DCDC2C: variants seen among roughly 807,000 people sequenced by gnomAD.
DCDC2C encodes doublecortin domain-containing protein 2C.
DCDC2C carries 44 observed loss-of-function variants against 45.0 expected under a neutral mutation model. That is an observed-to-expected ratio of 0.98 (90% CI 0.77 to 1.26). DCDC2C has a LOEUF of 1.26. Ranked by LOEUF, DCDC2C falls within the 50% of genes most tolerant of loss-of-function variation. The probability of loss-of-function intolerance (pLI) is 0.00; values close to 1 mark genes in which losing one functional copy is unlikely to be tolerated. For missense variants in DCDC2C, 447 were observed against 468.9 expected, an observed-to-expected ratio of 0.95 and a Z score of 0.43; for synonymous variants, 187 against 178.8, an observed-to-expected ratio of 1.05 and a Z score of -0.37.
At chr2:3,741,700 C>A (rs545733179) in intron 3 of DCDC2C, among the ~76,000 whole-genome samples, 1 of 149,006 alleles carries the variant, frequency 6.7e-6, no homozygotes, top group East Asian at 1.9e-4. Flanking sequence ...CACATACACA[C>A]ACACACATAG....
intron 4 of DCDC2C, among the ~76,000 whole-genome samples, chr2:3,749,158 C>A (rs1203510732): frequency 6.6e-6 from 1 of 152,202 alleles, no homozygotes; most frequent in Non-Finnish European, 1.5e-5. Flanking sequence ...TATCCCCAAT[C>A]TTTAAGGTTC....
At position 3,827,169 on chromosome 2, in the gene DCDC2C, T is replaced by C. The variant is rs542584109; in HGVS notation, c.1066-19985T>C. ...TCTTAGAATTCAGACTTGATTAAAA[T>C]CAGATTAAATTAACCCTGAGGGGAG... On this transcript the variant is annotated intron_variant, in intron 10 of 10. Transcript: ENST00000399143. 9.9e-5 allele frequency among the ~76,000 whole-genome samples: 15 copies of C among 152,244 alleles called. No homozygotes were observed. In the South Asian group the frequency reaches 3.1e-3, roughly 32 times the overall value.
chr2:3,794,604 G>C (rs1408845765), intron 10 of DCDC2C, among the ~76,000 whole-genome samples: 1 of 152,068 alleles, frequency 6.6e-6, no homozygotes, highest in Non-Finnish European at 1.5e-5. Context: ...CTATGAGTGA[G>C]AATATGTGGT....
At chr2:3,729,568 G>T (rs1301217690) in intron 3 of DCDC2C, among the ~76,000 whole-genome samples, 3 of 152,210 alleles carry the variant, frequency 2.0e-5, no homozygotes, top group Non-Finnish European at 4.4e-5. Flanking sequence ...AGTGAAGGTG[G>T]CCAGGCAGCT....
chr2:3,763,966 A>G (rs1327408250), intron 6 of DCDC2C, among the ~76,000 whole-genome samples: 1 of 152,250 alleles, frequency 6.6e-6, no homozygotes. Flanking sequence ...GCTCAGATAT[A>G]GAAAACTGGA....
At chr2:3,710,341 G>A (rs769157825) in intron 2 of DCDC2C, among the ~76,000 whole-genome samples, 1 of 152,072 alleles carries the variant, frequency 6.6e-6, no homozygotes, top group African/African-American at 2.4e-5. Context: ...TACTCTTCCT[G>A]ATACTCTCCC....
At chr2:3,834,388 A>G (rs936330369) in intron 10 of DCDC2C, among the ~76,000 whole-genome samples, 1 of 152,184 alleles carries the variant, frequency 6.6e-6, no homozygotes, top group Non-Finnish European at 1.5e-5. Context: ...TCACTGTACA[A>G]TGGGTCTCTT....
intron 10 of DCDC2C, among the ~76,000 whole-genome samples, chr2:3,830,310 T>G (rs1307443301): frequency 3.3e-5 from 5 of 152,150 alleles, no homozygotes. Context: ...AGGTTTTTTT[T>G]TTTGTTCATC....
At chr2:3,800,258 G>A (rs919806797) in intron 10 of DCDC2C, among the ~76,000 whole-genome samples, 21 of 152,052 alleles carry the variant, frequency 1.4e-4, no homozygotes, top group Non-Finnish European at 2.1e-4. Flanking sequence ...ACTGACCTGC[G>A]CCCACTGTCT....
intron 10 of DCDC2C, among the ~76,000 whole-genome samples, chr2:3,797,324 C>G (rs1345123510): frequency 1.4e-5 from 2 of 143,016 alleles, no homozygotes; most frequent in Non-Finnish European, 3.0e-5. Flanking sequence ...AAACCAGCCC[C>G]TGGATTCGTT....
chr2:3,846,767 A>G (rs1672343110), intron 10 of DCDC2C, among the ~76,000 whole-genome samples: 1 of 152,156 alleles, frequency 6.6e-6, no homozygotes, highest in Admixed American at 6.5e-5. Context: ...AAACATTGCT[A>G]TAGACTCAGC....
At chr2:3,723,035 G>C (rs1238555790) in intron 2 of DCDC2C, among the ~76,000 whole-genome samples, 9 of 152,166 alleles carry the variant, frequency 5.9e-5, no homozygotes, top group African/African-American at 9.7e-5. Context: ...AATGGATGCA[G>C]GTGTGCATTT....
intron 10 of DCDC2C, among the ~76,000 whole-genome samples, chr2:3,845,469 A>G (rs988549000): frequency 6.6e-6 from 1 of 152,208 alleles, no homozygotes; most frequent in African/African-American, 2.4e-5. Flanking sequence ...CCATCTGCCA[A>G]TTAGTGGTAT....
chr2:3,777,045 T>A (rs1670362097), intron 8 of DCDC2C, among the ~76,000 whole-genome samples: 4 of 152,190 alleles, frequency 2.6e-5, no homozygotes, highest in Admixed American at 2.6e-4. Context: ...CTTAGCATCC[T>A]CTTTTGGTTA....
chr2:3,728,182 G>A (rs1033941274), intron 3 of DCDC2C, among the ~76,000 whole-genome samples: 2 of 152,124 alleles, frequency 1.3e-5, no homozygotes, highest in East Asian at 3.9e-4. Context: ...TGATTCACCC[G>A]ACAGATCCTC....
At chr2:3,754,699 A>G in intron 6 of DCDC2C, 65 bp downstream of exon 6, 3 of 1,433,880 alleles carry the variant, frequency 2.1e-6, no homozygotes, top group Non-Finnish European at 2.9e-6. Context: ...GGCATTAACA[A>G]GGGCACAGCG....
At chr2:3,764,205 TTAAAC>T (rs1669958544) in intron 6 of DCDC2C, among the ~76,000 whole-genome samples, 1 of 152,350 alleles carries the variant, frequency 6.6e-6, no homozygotes, top group Middle Eastern at 3.4e-3. Context: ...AAAAGACAGT[TTAAAC>T]TGAGCAAAAT....
intron 2 of DCDC2C, among the ~76,000 whole-genome samples, chr2:3,716,122 T>C (rs1668344860): frequency 6.6e-6 from 1 of 152,210 alleles, no homozygotes; most frequent in Non-Finnish European, 1.5e-5. Flanking sequence ...GTTAGGAGGC[T>C]GCTGCAATGA....
At chr2:3,754,944 GTAAC>G (rs945312533) in intron 6 of DCDC2C, among the ~76,000 whole-genome samples, 4 of 152,228 alleles carry the variant, frequency 2.6e-5, no homozygotes, top group Non-Finnish European at 5.9e-5. Flanking sequence ...AGGGAGGAGA[GTAAC>G]TGACTCAAGC....
Sources: allele counts gnomAD v4.1 joint callset (sites outside exome capture counted in the v4.1 genomes callset), GRCh38; gene constraint gnomAD v4.1.1; transcripts MANE v1.5; gene names NCBI Gene and HGNC (gene_info 2026-07-23, HGNC 2026-07-21).